ARHGAP26: variants seen among roughly 807,000 people sequenced by gnomAD.
ARHGAP26 encodes rho GTPase-activating protein 26.
ARHGAP26 carries 38 observed loss-of-function variants against 104.8 expected under a neutral mutation model. The ratio of observed to expected loss-of-function variants is 0.36; its 90% confidence interval spans 0.28 to 0.48. The LOEUF (loss-of-function observed/expected upper bound fraction) is 0.48. ARHGAP26 is among the 20% of genes least tolerant of loss of function. The pLI is 0.99. For missense variants in ARHGAP26, 704 were observed against 947.9 expected (o/e 0.74, Z 3.38); for synonymous variants, 341 against 340.0 (o/e 1.00, Z -0.03).
At chr5:142,950,170 G>A (rs145175667) in intron 11 of ARHGAP26, among the ~76,000 whole-genome samples, 1 of 152,200 alleles carries the variant, frequency 6.6e-6, no homozygotes, top group East Asian at 1.9e-4. Flanking sequence ...GGTATGGGTA[G>A]GGTGTGTGTG....
chr5:143,055,783 C>T (rs566795918), intron 15 of ARHGAP26, among the ~76,000 whole-genome samples: 1 of 152,164 alleles, frequency 6.6e-6, no homozygotes, highest in African/African-American at 2.4e-5. Flanking sequence ...TAGACTCTTG[C>T]ATTAGCACTA....
At chr5:142,881,661 A>G (rs900270724) in intron 4 of ARHGAP26, among the ~76,000 whole-genome samples, 7 of 151,856 alleles carry the variant, frequency 4.6e-5, no homozygotes, top group Admixed American at 3.9e-4. Flanking sequence ...CCTTTGCATC[A>G]CTCCACACAC....
chr5:143,128,582 C>G (rs758671513), intron 18 of ARHGAP26, among the ~76,000 whole-genome samples: 12 of 152,186 alleles, frequency 7.9e-5, no homozygotes, highest in African/African-American at 2.9e-4. Context: ...ATACATAAGC[C>G]CTGCTAAGAC....
chr5:143,142,499 T>A lies in ARHGAP26; in HGVS notation c.1838-4732T>A, dbSNP rs554333253. Among the ~76,000 whole-genome samples the A allele has an allele frequency of 2.9e-3, 432 of 149,688 alleles. 7 individuals carry two copies. The highest frequency in any genetic ancestry group is 4.0e-3 in the South Asian group (19 of 4,708). On this transcript the variant is annotated intron_variant, in intron 19 of 22. Coordinates refer to ENST00000645722, the MANE Select transcript of ARHGAP26 (RefSeq NM_001135608.3). ...CCCAAACTCCTTTTTAAGATTTTTT[T>A]AAAAAAAAAACATTGTCCAAACTGT...
intron 1 of ARHGAP26, among the ~76,000 whole-genome samples, chr5:142,836,601 CAGA>C (rs1375012566): frequency 6.6e-6 from 1 of 152,198 alleles, no homozygotes; most frequent in Non-Finnish European, 1.5e-5. Flanking sequence ...TGTGTTTTCA[CAGA>C]AGTTGTCTCC....
intron 11 of ARHGAP26, among the ~76,000 whole-genome samples, chr5:143,003,657 G>A (rs1777507016): frequency 6.6e-6 from 1 of 152,148 alleles, no homozygotes; most frequent in African/African-American, 2.4e-5. Flanking sequence ...GAGAGATTAA[G>A]GTTGTCTGCA....
intron 17 of ARHGAP26, among the ~76,000 whole-genome samples, chr5:143,082,836 T>G (rs1213972072): frequency 6.6e-6 from 1 of 152,242 alleles, no homozygotes; most frequent in Non-Finnish European, 1.5e-5. Flanking sequence ...GCCTAACTGA[T>G]GTTTTCCCAT....
chr5:142,894,324 A>G lies in ARHGAP26; in HGVS notation c.573A>G (p.Arg191=), dbSNP rs1249401724. 1 of 1,613,970 alleles carries G rather than the reference A, an allele frequency of 6.2e-7. No individual in the cohort carries two copies. The highest frequency in any genetic ancestry group is 1.3e-5 in the African/African-American group (1 of 74,920). The change falls in exon 6 of 23, where the codon AGA becomes AGG. Residue 191 remains arginine, a synonymous_variant. Transcript: ENST00000645722. ...TCAAGGTGCAGGAAGTCCAAGAGAG[A>G]AAGATGTTTGAGTTTGTGGAGCCTG... The part of the protein sequence containing the change: ...YVFKVQEVQE[R]KMFEFVEPLL...
At chr5:143,098,726 G>A (rs966304536) in intron 17 of ARHGAP26, among the ~76,000 whole-genome samples, 3 of 151,994 alleles carry the variant, frequency 2.0e-5, no homozygotes, top group Non-Finnish European at 4.4e-5. Flanking sequence ...CAATTCCTCC[G>A]AGCCTCAGTT....
At chr5:142,889,768 ATCT>A in intron 5 of ARHGAP26, among the ~76,000 whole-genome samples, 1 of 152,118 alleles carries the variant, frequency 6.6e-6, no homozygotes, top group Non-Finnish European at 1.5e-5. Flanking sequence ...GGCCAGGACA[ATCT>A]TCTTCAGGTT....
intron 17 of ARHGAP26, 137 bp downstream of exon 17, chr5:143,057,884 G>A: frequency 1.3e-6 from 1 of 791,838 alleles, no homozygotes; most frequent in Non-Finnish European, 2.2e-6. Context: ...GGAAAGAAAT[G>A]TGTGAAATGT....
At chr5:142,987,992 G>C (rs563964344) in intron 11 of ARHGAP26, among the ~76,000 whole-genome samples, 1 of 152,160 alleles carries the variant, frequency 6.6e-6, no homozygotes, top group Non-Finnish European at 1.5e-5. Context: ...TTGGTATCAG[G>C]ATGATGCTGG....
intron 9 of ARHGAP26, among the ~76,000 whole-genome samples, chr5:142,908,211 A>G (rs1279322193): frequency 6.6e-6 from 1 of 152,218 alleles, no homozygotes; most frequent in African/African-American, 2.4e-5. Flanking sequence ...GTAACAAGTC[A>G]CCCCAAAACT....
At chr5:143,061,395 T>G (rs1786679307) in intron 17 of ARHGAP26, among the ~76,000 whole-genome samples, 1 of 152,244 alleles carries the variant, frequency 6.6e-6, no homozygotes. Flanking sequence ...TGGCTCATTG[T>G]AGATTTATTA....
intron 11 of ARHGAP26, among the ~76,000 whole-genome samples, chr5:142,998,934 C>T (rs1287216869): frequency 1.3e-5 from 2 of 152,138 alleles, no homozygotes; most frequent in Non-Finnish European, 2.9e-5. Flanking sequence ...CAACTGTCAG[C>T]AGATCCCAAT....
intron 20 of ARHGAP26, among the ~76,000 whole-genome samples, chr5:143,191,622 A>T (rs1338073948): frequency 6.6e-6 from 1 of 152,244 alleles, no homozygotes; most frequent in African/African-American, 2.4e-5. Flanking sequence ...TATTAAGAAA[A>T]TATGTATTAA....
At chr5:142,826,705 C>G (rs1355210527) in intron 1 of ARHGAP26, among the ~76,000 whole-genome samples, 1 of 152,160 alleles carries the variant, frequency 6.6e-6, no homozygotes, top group Non-Finnish European at 1.5e-5. Context: ...GTCCCTGGCC[C>G]CATCACCAGG....
chr5:142,852,050 C>T (rs563297307), intron 1 of ARHGAP26, among the ~76,000 whole-genome samples: 5 of 152,250 alleles, frequency 3.3e-5, no homozygotes, highest in East Asian at 1.9e-4. Flanking sequence ...TCGCTCCTTC[C>T]GGAACTTGAT....
intron 18 of ARHGAP26, among the ~76,000 whole-genome samples, chr5:143,126,647 A>G (rs571426291): frequency 6.6e-6 from 1 of 152,322 alleles, no homozygotes; most frequent in Non-Finnish European, 1.5e-5. Flanking sequence ...TTTTTGCCAG[A>G]CTTCCTAAGG....
Sources: allele counts gnomAD v4.1 joint callset (sites outside exome capture counted in the v4.1 genomes callset), GRCh38; gene constraint gnomAD v4.1.1; transcripts MANE v1.5; gene names NCBI Gene and HGNC (gene_info 2026-07-23, HGNC 2026-07-21).